HDAC9: variants seen among roughly 807,000 people sequenced by gnomAD.
HDAC9 encodes the protein MEF-2 interacting transcription repressor (MITR) protein.
A neutral mutation model predicts 139.4 loss-of-function variants in HDAC9; 41 were observed. That is an observed-to-expected ratio of 0.29 (90% CI 0.23 to 0.38). The LOEUF (loss-of-function observed/expected upper bound fraction) is 0.38, where lower values mean the gene tolerates loss of function less well. Ranked by LOEUF, HDAC9 falls within the 10% of genes least tolerant of loss-of-function variation. HDAC9 has a pLI of 1.00. For synonymous variants in HDAC9, 517 were observed against 476.2 expected (o/e 1.09, Z -1.12); for missense variants, 1,147 against 1,297.0 (o/e 0.88, Z 1.78).
intron 12 of HDAC9, among the ~76,000 whole-genome samples, chr7:18,672,574 A>C (rs559645121): frequency 6.6e-6 from 1 of 151,850 alleles, no homozygotes; most frequent in Admixed American, 6.6e-5. Context: ...CAGTTTATCT[A>C]TTTTTCCTTT....
intron 1 of HDAC9, among the ~76,000 whole-genome samples, chr7:18,354,965 A>G (rs1783139910): frequency 1.3e-5 from 2 of 152,170 alleles, no homozygotes; most frequent in Admixed American, 1.3e-4. Flanking sequence ...TTGAAGAGCC[A>G]TAGAGGATGT....
chr7:18,471,361 T>C (rs1794708365), intron 1 of HDAC9, among the ~76,000 whole-genome samples: 1 of 152,220 alleles, frequency 6.6e-6, no homozygotes, highest in Non-Finnish European at 1.5e-5. Context: ...CCTTTCTGCT[T>C]TTACACAATA....
At chr7:18,837,236 T>C (rs1371802744) in intron 21 of HDAC9, among the ~76,000 whole-genome samples, 1 of 151,852 alleles carries the variant, frequency 6.6e-6, no homozygotes, top group Non-Finnish European at 1.5e-5. Flanking sequence ...ATATCCACAA[T>C]GTTGTAGAAA....
intron 25 of HDAC9, among the ~76,000 whole-genome samples, chr7:18,985,052 T>A (rs1785223739): frequency 6.6e-6 from 1 of 151,890 alleles, no homozygotes; most frequent in Non-Finnish European, 1.5e-5. Flanking sequence ...GGATCTTTAT[T>A]TTTTTTTAAT....
chr7:18,420,064 G>A (rs1018836027), intron 1 of HDAC9, among the ~76,000 whole-genome samples: 40 of 152,034 alleles, frequency 2.6e-4, no homozygotes, highest in Admixed American at 4.6e-4. Context: ...AAAGAGAAGC[G>A]GACCTGTGTG....
In HDAC9 at chr7:18,419,273, AAT is replaced by A. The variant is rs1319726409; in HGVS notation, c.-41-76986_-41-76985del. On this transcript the variant is annotated intron_variant, in intron 1 of 3. Coordinates refer to the HDAC9 transcript ENST00000413509. The stretch of plus-strand genomic sequence containing the variant: ...CTTTTTAACTATGATATTAATAATA[AAT>A]ATGTGTCAATTATTGATGTATTAAG... Among the ~76,000 whole-genome samples the A allele has an allele frequency of 4.6e-5, 7 of 152,354 alleles. No individual in the cohort carries two copies. The South Asian group carries it at 8.3e-4, about 18-fold the overall frequency.
At chr7:18,988,488 T>C (rs1163640627) in intron 25 of HDAC9, among the ~76,000 whole-genome samples, 1 of 151,732 alleles carries the variant, frequency 6.6e-6, no homozygotes, top group Non-Finnish European at 1.5e-5. Flanking sequence ...TCCAAGTATG[T>C]GGTCAATTTT....
chr7:18,835,822 G>A (rs1796197431), intron 20 of HDAC9, 78 bp from the exon 21 acceptor site: 3 of 1,059,946 alleles, frequency 2.8e-6, no homozygotes, highest in Admixed American at 4.4e-5. Flanking sequence ...GAGCTCCCAT[G>A]TGCTTGTTTT....
chr7:18,192,009 A>G (rs542690229), intron 2 of HDAC9, among the ~76,000 whole-genome samples: 3 of 152,244 alleles, frequency 2.0e-5, no homozygotes, highest in East Asian at 3.9e-4. Flanking sequence ...TATGTGCTAG[A>G]AAAAAACCCT....
intron 1 of HDAC9, among the ~76,000 whole-genome samples, chr7:18,474,806 G>A (rs1586159005): frequency 6.6e-6 from 1 of 152,074 alleles, no homozygotes; most frequent in East Asian, 1.9e-4. Context: ...AAAAGTGAAT[G>A]AATAAGGTAG....
chr7:18,131,287 C>G (rs189045265), intron 1 of HDAC9, among the ~76,000 whole-genome samples: 284 of 152,168 alleles, frequency 1.9e-3, no homozygotes, highest in African/African-American at 6.7e-3. Context: ...TGATTCAGTG[C>G]CCAATATTTG....
intron 1 of HDAC9, among the ~76,000 whole-genome samples, chr7:18,339,070 T>C (rs368275433): frequency 1.5e-4 from 22 of 151,686 alleles, no homozygotes; most frequent in African/African-American, 5.3e-4. Context: ...TATTCTCTTA[T>C]TATGCTTTGA....
At chr7:18,227,403 G>A (rs914144866) in intron 2 of HDAC9, among the ~76,000 whole-genome samples, 21 of 152,178 alleles carry the variant, frequency 1.4e-4, no homozygotes, top group Non-Finnish European at 2.9e-4. Flanking sequence ...AGAAAGGAAA[G>A]TTTAAGTTCA....
chr7:18,855,866 C>G (rs1462680841), intron 21 of HDAC9, among the ~76,000 whole-genome samples: 2 of 152,114 alleles, frequency 1.3e-5, no homozygotes, highest in African/African-American at 4.8e-5. Flanking sequence ...AACATTCCTT[C>G]TTTTACTTCT....
At chr7:18,140,008 T>C (rs1480781431) in intron 1 of HDAC9, among the ~76,000 whole-genome samples, 1 of 152,120 alleles carries the variant, frequency 6.6e-6, no homozygotes, top group Non-Finnish European at 1.5e-5. Context: ...GGCACAACGG[T>C]TGTGGTCATT....
At chr7:18,694,342 C>G (rs1315948110) in intron 12 of HDAC9, among the ~76,000 whole-genome samples, 1 of 152,164 alleles carries the variant, frequency 6.6e-6, no homozygotes, top group Non-Finnish European at 1.5e-5. Flanking sequence ...CTTTGTCCCT[C>G]TCTCCTCACA....
chr7:18,917,397 T>A (rs948858850), intron 22 of HDAC9, among the ~76,000 whole-genome samples: 4 of 152,024 alleles, frequency 2.6e-5, no homozygotes, highest in Non-Finnish European at 4.4e-5. Context: ...GATGTTGAAC[T>A]ACTCTTTCAA....
intron 6 of HDAC9, among the ~76,000 whole-genome samples, chr7:18,619,641 C>T (rs192454873): frequency 2.0e-3 from 300 of 152,264 alleles, no homozygotes; most frequent in Non-Finnish European, 3.2e-3. Context: ...TTGAGCCTGT[C>T]TACATTCTGA....
At position 18,538,522 on chromosome 7, in the gene HDAC9, A is replaced by G. The variant is rs531625971; in HGVS notation, c.22+42198A>G. Reference sequence around the variant, plus strand: ...CACTTGAATTTTATTTTTACCCCTTACTAACTAATAGCTATTTAACGGCCA... The same window carrying G: ...CACTTGAATTTTATTTTTACCCCTTGCTAACTAATAGCTATTTAACGGCCA... On this transcript the variant is annotated intron_variant, in intron 2 of 25. Coordinates refer to ENST00000686413, the MANE Select transcript of HDAC9 (RefSeq NM_178425.4). Among the ~76,000 whole-genome samples, 59 of 152,278 alleles carry G rather than the reference A, an allele frequency of 3.9e-4. 1 individual carries two copies. Among genetic ancestry groups the G allele is most frequent in the South Asian group, 3.1e-3 (15 of 4,820 alleles).
Sources: allele counts gnomAD v4.1 joint callset (sites outside exome capture counted in the v4.1 genomes callset), GRCh38; gene constraint gnomAD v4.1.1; transcripts MANE v1.5; gene names NCBI Gene and HGNC (gene_info 2026-07-23, HGNC 2026-07-21).